WDSUB1: variants seen among roughly 807,000 people sequenced by gnomAD.
WDSUB1 encodes the protein WD repeat, SAM and U-box domain-containing protein 1.
In WDSUB1, 49 loss-of-function variants were observed where a neutral mutation model predicts 53.9. That is an observed-to-expected ratio of 0.91 (90% CI 0.72 to 1.15). The LOEUF (loss-of-function observed/expected upper bound fraction) is 1.15, where lower values mean the gene tolerates loss of function less well. Ranked by LOEUF, WDSUB1 falls within the 50% of genes most tolerant of loss-of-function variation. The pLI is 0.00. For missense variants in WDSUB1, 514 were observed against 562.0 expected (o/e 0.91, Z 0.86); for synonymous variants, 194 against 200.6 (o/e 0.97, Z 0.28).
chr2:159,261,871 TATATATATATATATATATATATA>T (rs1558855929), intron 5 of WDSUB1, among the ~76,000 whole-genome samples: 4 of 15,926 alleles, frequency 2.5e-4, no homozygotes, highest in South Asian at 2.3e-3. Flanking sequence ...TATATATATA[TATATATATATATATATATATATA>T]TATTTTTTTT....
intron 5 of WDSUB1, among the ~76,000 whole-genome samples, chr2:159,266,986 T>A (rs933527160): frequency 6.6e-6 from 1 of 152,014 alleles, no homozygotes; most frequent in Non-Finnish European, 1.5e-5. Context: ...TTGCCCAGGC[T>A]GGTCTCAAAC....
chr2:159,265,293 C>CCACACA lies in WDSUB1; in HGVS notation c.771-5456_771-5451dup, dbSNP rs75210001. The stretch of plus-strand genomic sequence containing the variant: ...CTTATCTCTAAAGCAAGCACACACA[C>CCACACA]CACACACACACACACACACACACAC... On this transcript the variant is annotated intron_variant, in intron 5 of 10. Transcript: ENST00000359774. Among the ~76,000 whole-genome samples the CCACACA allele has an allele frequency of 6.9e-4, 103 of 149,468 alleles. 2 individuals carry two copies. The highest frequency in any genetic ancestry group is 6.0e-4 in the Admixed American group (9 of 15,026).
At chr2:159,245,432 C>T (rs113479430) in intron 10 of WDSUB1, among the ~76,000 whole-genome samples, 5 of 151,722 alleles carry the variant, frequency 3.3e-5, no homozygotes, top group African/African-American at 1.2e-4. Context: ...ACTTGGGAGG[C>T]TGAGGCATGA....
chr2:159,282,957 G>A lies in WDSUB1; in HGVS notation c.113C>T (p.Ser38Leu), dbSNP rs200779243. 3.2e-5 allele frequency: 51 copies of A among 1,614,196 alleles called. No homozygotes were observed. The Admixed American group carries it at 3.8e-4, about 12-fold the overall frequency. Reference sequence around the variant, plus strand: ...TGGCAGTTCAGTAAAGTCACGTAACGAGTACAGGCGAATTGTTTTGTCCAA... The same window carrying A: ...TGGCAGTTCAGTAAAGTCACGTAACAAGTACAGGCGAATTGTTTTGTCCAA... ...CSLDKTIRLY[S>L]LRDFTELPHS... Residue 38 changes from serine (S) to leucine (L), a missense_variant, in exon 2 of 11, where the codon TCG becomes TTG. Ser to Leu is a moderately radical substitution (Grantham distance 145). Coordinates refer to ENST00000359774, the MANE Select transcript of WDSUB1 (RefSeq NM_001128212.3).
intron 2 of WDSUB1, among the ~76,000 whole-genome samples, chr2:159,281,161 T>C (rs188526266): frequency 1.3e-5 from 2 of 152,216 alleles, no homozygotes; most frequent in Non-Finnish European, 2.9e-5. Context: ...GGAGGTACAC[T>C]AGGCTCTTTT....
At position 159,279,807 on chromosome 2, in the gene WDSUB1, A is replaced by G. The variant is rs765431894; in HGVS notation, c.537T>C (p.His179=). The G allele has an allele frequency of 8.1e-6, 13 of 1,610,276 alleles. No individual in the cohort carries two copies. The highest frequency in any genetic ancestry group is 1.1e-5 in the South Asian group (1 of 90,528). Residue 179 remains histidine, a synonymous_variant, in exon 3 of 11, where the codon CAT becomes CAC. Transcript: ENST00000359774. ...KMRCLHSEKA[H]DLGITCCDFS... ...AATCGCAGCAGGTAATTCCAAGATC[A>G]TGTGCTTTTTCACTATGCAGACACC...
chr2:159,277,277 C>A (rs1025086806), intron 3 of WDSUB1, among the ~76,000 whole-genome samples: 24 of 152,168 alleles, frequency 1.6e-4, no homozygotes, highest in Admixed American at 2.6e-4. Flanking sequence ...TAAGAGAGAT[C>A]TTGAGGGATA....
At chr2:159,238,562 A>G (rs1258904938) in intron 10 of WDSUB1, among the ~76,000 whole-genome samples, 1 of 152,212 alleles carries the variant, frequency 6.6e-6, no homozygotes. Flanking sequence ...TCAAAATACC[A>G]CTTGTTAGAA....
intron 5 of WDSUB1, among the ~76,000 whole-genome samples, chr2:159,264,760 G>A (rs2061301704): frequency 6.6e-6 from 1 of 152,102 alleles, no homozygotes; most frequent in Admixed American, 6.5e-5. Context: ...ACCCAGTCCC[G>A]TATTGCCCTC....
rs181387367 is a variant in WDSUB1, at chr2:159,280,057, C to A, written c.399-112G>T. On this transcript the variant is annotated intron_variant, in intron 2 of 10. Coordinates refer to ENST00000359774, the MANE Select transcript of WDSUB1 (RefSeq NM_001128212.3). ...AAGAGAATAAATGGCTATCACAGAA[C>A]TAGAGAGAAAGGACAACTGATGCCT... 256 of 984,448 alleles carry A rather than the reference C, an allele frequency of 2.6e-4. 2 individuals are homozygous for A. In the East Asian group the frequency reaches 5.4e-3, roughly 21 times the overall value. The allele number at this position is 984,448 out of a possible 1,614,324, so 61.0% of individuals were successfully genotyped here.
intron 9 of WDSUB1, among the ~76,000 whole-genome samples, chr2:159,254,002 A>G (rs1304370075): frequency 6.6e-6 from 1 of 152,212 alleles, no homozygotes; most frequent in Non-Finnish European, 1.5e-5. Context: ...CTAGATCTCC[A>G]TATCTTAAAC....
intron 10 of WDSUB1, among the ~76,000 whole-genome samples, chr2:159,238,642 T>C (rs2060553228): frequency 6.6e-6 from 1 of 152,240 alleles, no homozygotes. Flanking sequence ...CATGGATCGA[T>C]TTCTGGATTT....
chr2:159,246,050 T>C (rs1330705848), intron 10 of WDSUB1, among the ~76,000 whole-genome samples: 1 of 152,134 alleles, frequency 6.6e-6, no homozygotes, highest in Non-Finnish European at 1.5e-5. Context: ...AACTTGAAGA[T>C]ATAAATTACA....
chr2:159,269,217 C>T (rs2061402508), intron 5 of WDSUB1, among the ~76,000 whole-genome samples: 1 of 136,950 alleles, frequency 7.3e-6, no homozygotes. Flanking sequence ...GTCACCCAGG[C>T]TGGAGTGCAG....
At chr2:159,271,980 G>A (rs1370820111) in intron 4 of WDSUB1, among the ~76,000 whole-genome samples, 185 bp from the exon 5 acceptor site, 1 of 152,148 alleles carries the variant, frequency 6.6e-6, no homozygotes, top group East Asian at 1.9e-4. Context: ...GTGATTAACT[G>A]GTTTCTGTTG....
At chr2:159,238,150 G>C (rs2060537607) in intron 10 of WDSUB1, among the ~76,000 whole-genome samples, 1 of 152,040 alleles carries the variant, frequency 6.6e-6, no homozygotes, top group Non-Finnish European at 1.5e-5. Flanking sequence ...TCTTTTTCCT[G>C]TGAGCTATTC....
chr2:159,271,101 C>T (rs1412782243), intron 5 of WDSUB1, among the ~76,000 whole-genome samples: 2 of 152,184 alleles, frequency 1.3e-5, no homozygotes, highest in Admixed American at 6.6e-5. Context: ...TACAAAACAA[C>T]ACTGCTATAG....
chr2:159,274,358 G>C (rs932583345), intron 4 of WDSUB1, among the ~76,000 whole-genome samples: 2 of 152,080 alleles, frequency 1.3e-5, no homozygotes, highest in Non-Finnish European at 2.9e-5. Context: ...TTAAAAATTA[G>C]CCAGGGCAAG....
intron 5 of WDSUB1, among the ~76,000 whole-genome samples, chr2:159,269,567 A>G (rs1216110583): frequency 2.0e-5 from 3 of 152,218 alleles, no homozygotes; most frequent in Non-Finnish European, 4.4e-5. Flanking sequence ...AAAAACCTCA[A>G]AACAGAAAAT....
Sources: allele counts gnomAD v4.1 joint callset (sites outside exome capture counted in the v4.1 genomes callset), GRCh38; gene constraint gnomAD v4.1.1; transcripts MANE v1.5; gene names NCBI Gene and HGNC (gene_info 2026-07-23, HGNC 2026-07-21).